Variants in SMYD1 observed in about 807,000 individuals in gnomAD.
SMYD1 encodes histone-lysine N-methyltransferase SMYD1.
Under a neutral mutation model 54.0 loss-of-function variants are expected in SMYD1, and 49 were observed. The observed-to-expected ratio is 0.91, with a 90% CI of 0.72 to 1.15. The LOEUF (loss-of-function observed/expected upper bound fraction) is 1.15. Among genes scored for constraint, SMYD1 ranks in the 50% most tolerant of loss-of-function variants. The pLI, the probability that SMYD1 is intolerant of heterozygous loss-of-function variation, is 0.00. For synonymous variants in SMYD1, 269 were observed against 234.2 expected, an observed-to-expected ratio of 1.15 and a Z score of -1.36; for missense variants, 653 against 639.6, an observed-to-expected ratio of 1.02 and a Z score of -0.23.
At chr2:88,086,650 A>G (rs1432504772) in intron 2 of SMYD1, among the ~76,000 whole-genome samples, 2 of 152,330 alleles carry the variant, frequency 1.3e-5, no homozygotes, top group East Asian at 3.9e-4. Context: ...TTCCCGGCCT[A>G]GATTGCCTTC....
intron 1 of SMYD1, among the ~76,000 whole-genome samples, chr2:88,072,813 T>C (rs932794752): frequency 6.6e-6 from 1 of 152,258 alleles, no homozygotes; most frequent in Admixed American, 6.5e-5. Context: ...TGTGAACAAC[T>C]TTCAAACCAT....
intron 9 of SMYD1, among the ~76,000 whole-genome samples, chr2:88,110,049 G>A (rs1674973762): frequency 6.6e-6 from 1 of 152,134 alleles, no homozygotes; most frequent in East Asian, 1.9e-4. Flanking sequence ...ATCTGCAGGG[G>A]CCAGGGTTCA....
At chr2:88,095,784 G>A (rs76986186) in intron 5 of SMYD1, among the ~76,000 whole-genome samples, 3,031 of 152,252 alleles carry the variant, frequency 0.02, 93 homozygotes, top group African/African-American at 0.068. Flanking sequence ...GAGGTCCACG[G>A]ACTGACCTCC....
rs1340572927 is a variant in SMYD1, at chr2:88,103,285, C to A, written c.981+135C>A. Reference sequence around the variant, plus strand: ...AGCAGGTTATTTTTCTAGAAGATGTCCCTTGGTTGAGATCATGACTCTTCT... The same window carrying A: ...AGCAGGTTATTTTTCTAGAAGATGTACCTTGGTTGAGATCATGACTCTTCT... On this transcript the variant is annotated intron_variant, in intron 7 of 9. Coordinates refer to ENST00000419482, the MANE Select transcript of SMYD1 (RefSeq NM_198274.4). 9 of 665,434 alleles carry A rather than the reference C, an allele frequency of 1.4e-5. No homozygotes were observed. In the East Asian group the frequency reaches 2.5e-4, roughly 18 times the overall value. 41.2% of individuals were successfully genotyped at this position (665,434 alleles called of 1,614,324 possible).
intron 7 of SMYD1, among the ~76,000 whole-genome samples, chr2:88,105,867 C>T (rs921491604): frequency 6.6e-6 from 1 of 151,960 alleles, no homozygotes. Context: ...GAAGCTAAGA[C>T]GGGGAGGTTG....
intron 1 of SMYD1, among the ~76,000 whole-genome samples, chr2:88,077,243 C>G (rs1558847243): frequency 6.6e-6 from 1 of 152,222 alleles, no homozygotes; most frequent in Non-Finnish European, 1.5e-5. Context: ...CCTTCCAGCC[C>G]TCTTCACTCT....
At chr2:88,070,957 A>AC (rs1249712275) in intron 1 of SMYD1, among the ~76,000 whole-genome samples, 1 of 151,662 alleles carries the variant, frequency 6.6e-6, no homozygotes, top group East Asian at 1.9e-4. Flanking sequence ...AAAAAAAAAA[A>AC]AAAAAAAAAA....
Position 88,110,827 on chromosome 2 carries a change from T to A in SMYD1, c.*315T>A, listed in dbSNP as rs1675004556. On this transcript the variant is annotated 3_prime_UTR_variant, in exon 10 of 10. Transcript: ENST00000419482. ...ATGTAGAGAAACATTTAAAGCACAC[T>A]GTAATAATAAATGCAATTATAAACT... 1 of 268,914 alleles carries A rather than the reference T, an allele frequency of 3.7e-6. No homozygotes were observed. Among genetic ancestry groups the A allele is most frequent in the Non-Finnish European group, 6.9e-6 (1 of 144,176 alleles). 16.7% of individuals were successfully genotyped at this position (268,914 alleles called of 1,614,324 possible).
chr2:88,081,688 G>A (rs766489429), intron 1 of SMYD1, among the ~76,000 whole-genome samples: 9 of 151,984 alleles, frequency 5.9e-5, no homozygotes, highest in Non-Finnish European at 7.4e-5. Context: ...TGCGCACCTC[G>A]GCTTCCCACA....
chr2:88,095,895 T>C (rs559062313), intron 5 of SMYD1, among the ~76,000 whole-genome samples: 29 of 152,326 alleles, frequency 1.9e-4, no homozygotes, highest in African/African-American at 6.5e-4. Flanking sequence ...CTGTAGCTAA[T>C]TGAGGGTCAG....
intron 7 of SMYD1, among the ~76,000 whole-genome samples, chr2:88,105,716 T>C (rs749480825): frequency 2.0e-5 from 3 of 152,138 alleles, no homozygotes; most frequent in African/African-American, 4.8e-5. Context: ...GGTGGGCGGA[T>C]TGCCTGAGCT....
rs572678749 is a variant in SMYD1 at position 88,086,100 on chromosome 2, G to A, written c.314+1608G>A. Reference sequence around the variant, plus strand: ...TAATTAAACACACATACACATTCATGAGTGTAAGTAAAACGGAAGAAATCT... The same window carrying A: ...TAATTAAACACACATACACATTCATAAGTGTAAGTAAAACGGAAGAAATCT... On this transcript the variant is annotated intron_variant, in intron 2 of 9. Transcript: ENST00000419482. Among the ~76,000 whole-genome samples, 6 of 152,344 alleles carry A rather than the reference G, an allele frequency of 3.9e-5. No individual in the cohort carries two copies. In the East Asian group the frequency reaches 1.2e-3, roughly 29 times the overall value.
Position 88,110,055 on chromosome 2 carries a change from G to T in SMYD1, c.1315-299G>T, listed in dbSNP as rs528047150. Among the ~76,000 whole-genome samples, 11 of 152,256 alleles carry T rather than the reference G, an allele frequency of 7.2e-5. No homozygotes were observed. The South Asian group carries it at 2.3e-3, about 32-fold the overall frequency. On this transcript the variant is annotated intron_variant, in intron 9 of 9. Coordinates refer to ENST00000419482, the MANE Select transcript of SMYD1 (RefSeq NM_198274.4). ...CACACTAGTATCTGCAGGGGCCAGG[G>T]TTCAAATCCAGGTCCCCACTGGGCA... is the stretch of plus-strand genomic sequence containing the variant.
chr2:88,080,935 C>T (rs1021185061), intron 1 of SMYD1, among the ~76,000 whole-genome samples: 6 of 149,660 alleles, frequency 4.0e-5, no homozygotes, highest in African/African-American at 1.5e-4. Flanking sequence ...TGGAGTCTCA[C>T]TGTGTTGCCC....
At chr2:88,109,262 A>G (rs926128117) in intron 9 of SMYD1, among the ~76,000 whole-genome samples, 2 of 56,162 alleles carry the variant, frequency 3.6e-5, no homozygotes, top group African/African-American at 1.6e-4. Context: ...TGGGGTGTGC[A>G]TGTGTGCGTG....
Position 88,096,777 on chromosome 2 carries a change from A to G in SMYD1, c.881A>G (p.Asn294Ser). Reference sequence around the variant, plus strand: ...GACCTCTTCCTGGGGGTGAAAGACAACCCCAAGGTACACACAGCCCTGCTG... The same window carrying G: ...GACCTCTTCCTGGGGGTGAAAGACAGCCCCAAGGTACACACAGCCCTGCTG... ...KDDLFLGVKD[N>S]PKPSQEVVKE... The change falls in exon 6 of 10, where the codon AAC becomes AGC. Residue 294 changes from asparagine (N) to serine (S), a missense_variant. Coordinates refer to ENST00000419482, the MANE Select transcript of SMYD1 (RefSeq NM_198274.4). 2 of 1,612,620 alleles carry G rather than the reference A, an allele frequency of 1.2e-6. No individual in the cohort carries two copies. Among genetic ancestry groups the G allele is most frequent in the Admixed American group, 1.7e-5 (1 of 59,878 alleles).
rs1675002242 is a variant in SMYD1 at position 88,110,695 on chromosome 2, A to G, written c.*183A>G. 3.1e-6 allele frequency: 2 copies of G among 652,618 alleles called. No individual in the cohort carries two copies. Among genetic ancestry groups the G allele is most frequent in the Middle Eastern group, 4.2e-4 (1 of 2,354 alleles). 40.4% of individuals were successfully genotyped at this position (652,618 alleles called of 1,614,324 possible). A position where few individuals can be genotyped will look rare whatever the true frequency, so the allele number is the denominator to read the frequency against. On this transcript the variant is annotated 3_prime_UTR_variant, in exon 10 of 10. Transcript: ENST00000419482. ...GCTCAATTCAAGTCTATTCAATTCA[A>G]GTTAACTCTAGCCCAGCCCAGATCA...
intron 6 of SMYD1, among the ~76,000 whole-genome samples, chr2:88,098,091 C>G (rs947421895): frequency 1.3e-5 from 2 of 152,294 alleles, no homozygotes; most frequent in South Asian, 2.1e-4. Flanking sequence ...TTGCACTCAC[C>G]CTCACCCCGA....
intron 3 of SMYD1, 135 bp from the exon 4 acceptor site, chr2:88,090,877 T>G: frequency 2.1e-6 from 2 of 946,410 alleles, no homozygotes; most frequent in African/African-American, 1.6e-5. Context: ...AGGAGACTAA[T>G]TGTTCTGTGT....
Sources: gnomAD v4.1 joint callset for allele counts (sites outside exome capture counted in the v4.1 genomes callset) on GRCh38, gnomAD v4.1.1 for gene constraint, MANE v1.5 for transcripts, NCBI Gene and HGNC (gene_info 2026-07-23, HGNC 2026-07-21) for gene names.